TMEM71: variants seen among roughly 807,000 people sequenced by gnomAD.
TMEM71 encodes transmembrane protein 71.
A neutral mutation model predicts 38.0 loss-of-function variants in TMEM71; 44 were observed. The observed-to-expected ratio is 1.16, with a 90% CI of 0.91 to 1.49. TMEM71 has a LOEUF of 1.49. Ranked by LOEUF, TMEM71 falls within the 40% of genes most tolerant of loss-of-function variation. TMEM71 has a pLI of 0.00. For missense variants in TMEM71, 367 were observed against 348.6 expected (o/e 1.05, Z -0.42); for synonymous variants, 133 against 122.5 (o/e 1.09, Z -0.56).
intron 5 of TMEM71, among the ~76,000 whole-genome samples, chr8:132,729,909 G>C (rs1827356977): frequency 6.6e-6 from 1 of 152,134 alleles, no homozygotes; most frequent in South Asian, 2.1e-4. Flanking sequence ...TAGTGGGTGG[G>C]AGGAAAATGT....
chr8:132,746,826 C>T, intron 5 of TMEM71, 116 bp downstream of exon 5: 1 of 764,250 alleles, frequency 1.3e-6, no homozygotes, highest in East Asian at 2.8e-5. Context: ...AAATGTGGCC[C>T]ATCTCTCCAT....
the TMEM71 span, chr8:132,775,400 C>CGGCGGA: frequency 7.9e-6 from 3 of 380,640 alleles, no homozygotes; most frequent in Non-Finnish European, 1.4e-5. Context: ...GGCTGGCCGG[C>CGGCGGA]GGCGGAGGCG....
upstream of TMEM71, among the ~76,000 whole-genome samples, chr8:132,761,675 G>T (rs923023833): frequency 9.9e-5 from 15 of 152,204 alleles, no homozygotes; most frequent in African/African-American, 3.6e-4. Context: ...CTTGAGTGTA[G>T]ACTGAGGCTG....
intron 7 of TMEM71, among the ~76,000 whole-genome samples, chr8:132,715,557 T>C (rs1414488673): frequency 6.6e-6 from 1 of 151,582 alleles, no homozygotes; most frequent in East Asian, 2.0e-4. Flanking sequence ...ACTTACCATA[T>C]AACCCAACAG....
intron 5 of TMEM71, among the ~76,000 whole-genome samples, chr8:132,746,120 A>G (rs969091557): frequency 6.7e-6 from 1 of 150,210 alleles, no homozygotes; most frequent in Admixed American, 6.7e-5. Context: ...TCAACATCAC[A>G]TAATATACCC....
chr8:132,772,889 A>T, the TMEM71 span, among the ~76,000 whole-genome samples: 2 of 152,206 alleles, frequency 1.3e-5, no homozygotes, highest in Admixed American at 6.5e-5. Flanking sequence ...TGCCTCAAAT[A>T]CTATGAGTAA....
chr8:132,773,191 G>T, the TMEM71 span, among the ~76,000 whole-genome samples: 2 of 152,172 alleles, frequency 1.3e-5, no homozygotes, highest in Non-Finnish European at 1.5e-5. Context: ...TAGCAGCCCT[G>T]GTCCCTTCCC....
chr8:132,754,513 T>A (rs1828899352), intron 3 of TMEM71, among the ~76,000 whole-genome samples: 1 of 152,206 alleles, frequency 6.6e-6, no homozygotes, highest in South Asian at 2.1e-4. Context: ...TTGTTGTTAT[T>A]GTTGTTGTTG....
intron 6 of TMEM71, among the ~76,000 whole-genome samples, chr8:132,725,953 T>A (rs1320012582): frequency 6.6e-6 from 1 of 152,212 alleles, no homozygotes; most frequent in Admixed American, 6.5e-5. Flanking sequence ...ATCTGAATAT[T>A]CTTATGTGTA....
At chr8:132,741,811 T>A (rs1439374407) in intron 5 of TMEM71, among the ~76,000 whole-genome samples, 18 of 152,190 alleles carry the variant, frequency 1.2e-4, no homozygotes. Flanking sequence ...TGGGCGAGCC[T>A]GACTGATGTC....
At position 132,713,981 on chromosome 8, in the gene TMEM71, C is replaced by T. The variant is rs769194437; in HGVS notation, c.872+14G>A. The stretch of plus-strand genomic sequence containing the variant: ...CTTGGTCCAGACAATAATGATGACA[C>T]AGGCAACACTTACCGAGCACAGGCA... On this transcript the variant is annotated intron_variant, in intron 9 of 9. Transcript: ENST00000677595. 3.7e-6 allele frequency: 6 copies of T among 1,612,692 alleles called. No homozygotes were observed. The highest frequency in any genetic ancestry group is 1.3e-5 in the African/African-American group (1 of 74,860).
At chr8:132,771,001 A>C in the TMEM71 span, among the ~76,000 whole-genome samples, 5 of 152,242 alleles carry the variant, frequency 3.3e-5, no homozygotes, top group African/African-American at 1.2e-4. Context: ...TAGTTAATGC[A>C]AGAGACACTA....
rs183734838 is a variant in TMEM71, at chr8:132,732,899, C to T, written c.488-4913G>A. 3.1e-3 allele frequency among the ~76,000 whole-genome samples: 466 copies of T among 152,272 alleles called. 2 individuals carry two copies. The highest frequency in any genetic ancestry group is 9.1e-3 in the African/African-American group (379 of 41,546). On this transcript the variant is annotated intron_variant, in intron 5 of 9. Coordinates refer to ENST00000677595, the MANE Select transcript of TMEM71 (RefSeq NM_001382403.1). ...GGCAGGTGCCACAACAAGACATTACCTGCCCACGATACTGTGATGCTGAGG... is the reference window on the plus strand; with the variant it reads ...GGCAGGTGCCACAACAAGACATTACTTGCCCACGATACTGTGATGCTGAGG...
Position 132,751,820 on chromosome 8 carries a change from G to A in TMEM71, c.279C>T (p.Ser93=). 3.7e-6 allele frequency: 6 copies of A among 1,613,832 alleles called. No homozygotes were observed. The highest frequency in any genetic ancestry group is 5.1e-6 in the Non-Finnish European group (6 of 1,180,034). ...TCTCCTTATACATAACGCTGGTCTG[G>A]GATGGGTTCAGAGTTATGTTGCCAT... is the stretch of plus-strand genomic sequence containing the variant. ...DKDGNITLNP[S]QTSVMYKENL... is the part of the protein sequence containing the mutation. Residue 93 remains serine (S), a synonymous_variant, in exon 4 of 10, where the codon TCC becomes TCT. Transcript: ENST00000677595.
At position 132,760,578 on chromosome 8, in the gene TMEM71, T is replaced by A. The variant is rs1031813929; in HGVS notation, c.-139A>T. On this transcript the variant is annotated 5_prime_UTR_variant, in exon 1 of 10. Transcript: ENST00000677595. ...TCTCTTGTCTGTTTCCTGGTATAAA[T>A]GAGTGTATAGTTCTTGGGAAAGTCA... 1 of 152,284 alleles carries A rather than the reference T, an allele frequency of 6.6e-6. No homozygotes were observed. Among genetic ancestry groups the A allele is most frequent in the Admixed American group, 6.5e-5 (1 of 15,288 alleles). 9.4% of individuals were successfully genotyped at this position (152,284 alleles called of 1,614,324 possible).
In TMEM71 at chr8:132,720,079, A is replaced by G. The variant is rs573572244; in HGVS notation, c.752+1961T>C. On this transcript the variant is annotated intron_variant, in intron 7 of 9. Transcript: ENST00000677595. ...TTTCTTTTGGCAGACTGGGATGTGGAAGACCACAGAGGTAAAGTGCCATTC... is the reference window on the plus strand; with the variant it reads ...TTTCTTTTGGCAGACTGGGATGTGGGAGACCACAGAGGTAAAGTGCCATTC... Among the ~76,000 whole-genome samples the G allele has an allele frequency of 3.9e-5, 6 of 152,136 alleles. No homozygotes were observed. The South Asian group carries it at 1.2e-3, about 32-fold the overall frequency.
At chr8:132,739,961 T>C (rs747695031) in intron 5 of TMEM71, among the ~76,000 whole-genome samples, 1 of 152,214 alleles carries the variant, frequency 6.6e-6, no homozygotes, top group Non-Finnish European at 1.5e-5. Context: ...ACCAATAGCC[T>C]CTTAACGTGT....
At chr8:132,725,017 TTTTTC>T (rs753456576) in intron 6 of TMEM71, among the ~76,000 whole-genome samples, 4 of 151,604 alleles carry the variant, frequency 2.6e-5, no homozygotes, top group Non-Finnish European at 4.4e-5. Flanking sequence ...GGAGGGCCTT[TTTTTC>T]TTTTCTTTTC....
chr8:132,773,130 C>T, the TMEM71 span, among the ~76,000 whole-genome samples: 1 of 152,190 alleles, frequency 6.6e-6, no homozygotes, highest in African/African-American at 2.4e-5. Context: ...TCATGCATGA[C>T]CTGGGGCAAT....
Sources: gnomAD v4.1 joint callset for allele counts (sites outside exome capture counted in the v4.1 genomes callset) on GRCh38, gnomAD v4.1.1 for gene constraint, MANE v1.5 for transcripts, NCBI Gene and HGNC (gene_info 2026-07-23, HGNC 2026-07-21) for gene names.